BABAM2: variants seen among roughly 807,000 people sequenced by gnomAD.
BABAM2 encodes the protein BRISC and BRCA1-A complex member 2.
A neutral mutation model predicts 54.7 loss-of-function variants in BABAM2; 31 were observed. The ratio of observed to expected loss-of-function variants is 0.57; its 90% CI spans 0.43 to 0.77. BABAM2 has a LOEUF of 0.77. Ranked by LOEUF, BABAM2 falls within the 30% of genes least tolerant of loss-of-function variation. The pLI is 0.00. For synonymous variants in BABAM2, 167 were observed against 162.9 expected (o/e 1.03, Z -0.19); for missense variants, 364 against 455.8 (o/e 0.80, Z 1.83).
chr2:27,910,192 C>T (rs756013436), intron 2 of BABAM2, among the ~76,000 whole-genome samples: 1 of 152,192 alleles, frequency 6.6e-6, no homozygotes, highest in Non-Finnish European at 1.5e-5. Context: ...TCTGGCATAA[C>T]AGCTGTGTCT....
intron 2 of BABAM2, among the ~76,000 whole-genome samples, chr2:27,925,700 A>G (rs1434261780): frequency 6.6e-6 from 1 of 152,194 alleles, no homozygotes; most frequent in Non-Finnish European, 1.5e-5. Flanking sequence ...TTCCAGGTAG[A>G]TAACCACACC....
intron 10 of BABAM2, among the ~76,000 whole-genome samples, chr2:28,270,311 G>A (rs1426563312): frequency 6.6e-6 from 1 of 152,134 alleles, no homozygotes; most frequent in Non-Finnish European, 1.5e-5. Flanking sequence ...TGTAGAGACA[G>A]GGTTTTGCTT....
At chr2:28,121,992 A>C (rs1171626350) in intron 6 of BABAM2, among the ~76,000 whole-genome samples, 1 of 152,080 alleles carries the variant, frequency 6.6e-6, no homozygotes, top group African/African-American at 2.4e-5. Flanking sequence ...AGGTGGGTGG[A>C]TCATGAGGTC....
At chr2:27,915,869 G>A (rs1666932131) in intron 2 of BABAM2, among the ~76,000 whole-genome samples, 1 of 150,716 alleles carries the variant, frequency 6.6e-6, no homozygotes, top group South Asian at 2.1e-4. Flanking sequence ...TTTTCTTTTT[G>A]TTTCTTCTCC....
At chr2:28,041,655 G>A (rs999072228) in intron 5 of BABAM2, among the ~76,000 whole-genome samples, 3 of 152,142 alleles carry the variant, frequency 2.0e-5, no homozygotes, top group Admixed American at 2.0e-4. Flanking sequence ...GCACACGCCT[G>A]CATCAACCCT....
intron 11 of BABAM2, among the ~76,000 whole-genome samples, chr2:28,298,911 G>A (rs1687904440): frequency 1.3e-5 from 2 of 152,196 alleles, no homozygotes; most frequent in South Asian, 4.1e-4. Flanking sequence ...ATACTAAATA[G>A]GAATTCGAGT....
At chr2:28,112,046 T>C (rs1343024247) in intron 6 of BABAM2, among the ~76,000 whole-genome samples, 1 of 152,126 alleles carries the variant, frequency 6.6e-6, no homozygotes, top group Non-Finnish European at 1.5e-5. Flanking sequence ...TTACCACTTC[T>C]AGAAGATGTT....
intron 7 of BABAM2, among the ~76,000 whole-genome samples, chr2:28,153,602 G>A (rs551277599): frequency 4.6e-5 from 7 of 152,204 alleles, no homozygotes; most frequent in African/African-American, 1.2e-4. Context: ...TATTTTATTA[G>A]CAGGCTTCCT....
intron 6 of BABAM2, among the ~76,000 whole-genome samples, chr2:28,082,500 C>G (rs1262524253): frequency 1.3e-5 from 2 of 152,122 alleles, no homozygotes; most frequent in Non-Finnish European, 2.9e-5. Flanking sequence ...TTATTTATGC[C>G]TTTGTATCCT....
chr2:27,930,932 C>T (rs1186786723), intron 3 of BABAM2, among the ~76,000 whole-genome samples: 2 of 152,178 alleles, frequency 1.3e-5, no homozygotes, highest in Non-Finnish European at 2.9e-5. Context: ...AAATAAAGTA[C>T]ATGGATATTA....
intron 7 of BABAM2, among the ~76,000 whole-genome samples, chr2:28,137,933 T>C (rs1298317731): frequency 2.6e-5 from 4 of 152,214 alleles, no homozygotes; most frequent in African/African-American, 9.6e-5. Flanking sequence ...ATATACTATA[T>C]CTTAATTTAA....
intron 6 of BABAM2, among the ~76,000 whole-genome samples, chr2:28,063,406 C>A (rs1679066576): frequency 6.6e-6 from 1 of 152,210 alleles, no homozygotes; most frequent in African/African-American, 2.4e-5. Flanking sequence ...CTCAAAATAT[C>A]ATTTCAACAT....
chr2:28,154,010 C>A (rs190666066), intron 7 of BABAM2, among the ~76,000 whole-genome samples: 4 of 152,210 alleles, frequency 2.6e-5, no homozygotes, highest in African/African-American at 7.2e-5. Context: ...TTATCAAAGC[C>A]CAAGTCACTG....
chr2:28,091,764 T>C (rs1469052085), intron 6 of BABAM2, among the ~76,000 whole-genome samples: 1 of 152,196 alleles, frequency 6.6e-6, no homozygotes, highest in Non-Finnish European at 1.5e-5. Flanking sequence ...TGTGGCTTAG[T>C]TTTTTCCTTA....
At chr2:28,026,482 A>G (rs1383991911) in intron 5 of BABAM2, among the ~76,000 whole-genome samples, 1 of 151,796 alleles carries the variant, frequency 6.6e-6, no homozygotes, top group Non-Finnish European at 1.5e-5. Flanking sequence ...TAACACAGGA[A>G]CAGGAAACCA....
rs565490268 is a variant in BABAM2, at chr2:28,143,449, T to G, written c.680+14069T>G. 1.2e-4 allele frequency among the ~76,000 whole-genome samples: 19 copies of G among 152,270 alleles called. No homozygotes were observed. In the South Asian group the frequency reaches 3.3e-3, roughly 27 times the overall value. On this transcript the variant is annotated intron_variant, in intron 7 of 11. Transcript: ENST00000379624. ...AGATATACAGCATGAGGACTATAAT[T>G]AATAATGTTATATTGTATACTGAAA...
At chr2:27,893,718 G>A (rs1203912641) in intron 1 of BABAM2, among the ~76,000 whole-genome samples, 2 of 152,122 alleles carry the variant, frequency 1.3e-5, no homozygotes, top group African/African-American at 2.4e-5. Flanking sequence ...GCAGTAGGCC[G>A]GGTGCGGTGG....
intron 8 of BABAM2, among the ~76,000 whole-genome samples, chr2:28,238,831 C>A (rs1023170376): frequency 4.2e-4 from 10 of 23,674 alleles, no homozygotes; most frequent in Non-Finnish European, 9.8e-4. Flanking sequence ...TCTAGTCATA[C>A]ATTTTCCTCA....
At chr2:28,271,469 G>C (rs1287095641) in intron 10 of BABAM2, among the ~76,000 whole-genome samples, 3 of 152,122 alleles carry the variant, frequency 2.0e-5, no homozygotes, top group African/African-American at 4.8e-5. Flanking sequence ...ACATGACTCT[G>C]TCACAGTCTT....
Sources: allele counts gnomAD v4.1 joint callset (sites outside exome capture counted in the v4.1 genomes callset), GRCh38; gene constraint gnomAD v4.1.1; transcripts MANE v1.5; gene names NCBI Gene and HGNC (gene_info 2026-07-23, HGNC 2026-07-21).